The following SNAP91 variants were observed in gnomAD, a reference collection of about 807,000 sequenced individuals.
The protein encoded by SNAP91 is synaptosome associated protein 91.
Under a neutral mutation model 100.3 loss-of-function variants are expected in SNAP91, and 27 were observed. The observed-to-expected ratio is 0.27, with a 90% CI of 0.20 to 0.37. SNAP91 has a LOEUF of 0.37. Among genes scored for constraint, SNAP91 ranks in the 10% least tolerant of loss-of-function variants. The pLI is 1.00. For synonymous variants in SNAP91, 404 were observed against 398.6 expected (o/e 1.01, Z -0.16); for missense variants, 986 against 1,123.7 (o/e 0.88, Z 1.75).
chr6:83,687,471 G>T (rs953197877), intron 2 of SNAP91, among the ~76,000 whole-genome samples: 1 of 152,036 alleles, frequency 6.6e-6, no homozygotes, highest in African/African-American at 2.4e-5. Flanking sequence ...TTAATAATAT[G>T]ATTTTCTTTT....
rs554382229 is a variant in SNAP91 at position 83,569,679 on chromosome 6, T to A, written c.2442+5331A>T. On this transcript the variant is annotated intron_variant, in intron 26 of 29. Transcript: ENST00000369694. ...AAGTCTCATCTTGAATTCCCATGTG[T>A]TGTGGGAGGGCCTGGTGGGAGGTAA... Among the ~76,000 whole-genome samples, 4 of 152,288 alleles carry A rather than the reference T, an allele frequency of 2.6e-5. No individual in the cohort carries two copies. In the East Asian group the frequency reaches 7.7e-4, roughly 29 times the overall value.
chr6:83,556,171 G>A lies in SNAP91; in HGVS notation c.2706C>T (p.Asn902=), dbSNP rs1777577729. 1.9e-6 allele frequency: 3 copies of A among 1,566,356 alleles called. No individual in the cohort carries two copies. The highest frequency in any genetic ancestry group is 2.6e-6 in the Non-Finnish European group (3 of 1,154,618). The stretch of plus-strand genomic sequence containing the variant: ...AAATTGTTTACAAGAAATCCTTGAT[G>A]TTAAGATCCGCTAATGGGTCCTTTG... The part of the protein sequence containing the change: ...PPAKDPLADL[N]IKDFL Residue 902 remains asparagine, a synonymous_variant, in exon 29 of 30, where the codon AAC becomes AAT. Coordinates refer to ENST00000369694, the MANE Select transcript of SNAP91 (RefSeq NM_001242792.2).
At chr6:83,556,289 G>T in intron 28 of SNAP91, 44 bp from the exon 29 acceptor site, 1 of 689,070 alleles carries the variant, frequency 1.5e-6, no homozygotes, top group South Asian at 1.8e-5. Flanking sequence ...ATAGAAAGCA[G>T]AGAGAGAATG....
At chr6:83,614,430 T>C (rs748656001) in intron 11 of SNAP91, among the ~76,000 whole-genome samples, 2 of 152,176 alleles carry the variant, frequency 1.3e-5, no homozygotes, top group African/African-American at 4.8e-5. Context: ...TTTATGTATA[T>C]ACTTGGTTTG....
At chr6:83,675,663 C>T (rs1032302744) in intron 2 of SNAP91, among the ~76,000 whole-genome samples, 3 of 151,952 alleles carry the variant, frequency 2.0e-5, no homozygotes, top group Admixed American at 2.0e-4. Context: ...GTTCAATTAC[C>T]TTATATTATT....
intron 7 of SNAP91, among the ~76,000 whole-genome samples, chr6:83,648,745 C>G (rs1267439355): frequency 7.0e-6 from 1 of 142,818 alleles, no homozygotes; most frequent in African/African-American, 2.4e-5. Context: ...TGCTTATTAG[C>G]CATTTTATAT....
At chr6:83,627,798 T>C (rs1208148607) in intron 8 of SNAP91, among the ~76,000 whole-genome samples, 1 of 151,976 alleles carries the variant, frequency 6.6e-6, no homozygotes, top group Non-Finnish European at 1.5e-5. Flanking sequence ...GAAGAACCAA[T>C]TTTTATTTCA....
chr6:83,686,986 G>C (rs2099069401), intron 2 of SNAP91: 1 of 152,168 alleles, frequency 6.6e-6, no homozygotes, highest in African/African-American at 2.4e-5. Context: ...ATATAAAAAT[G>C]TAAGTCCTTC....
intron 22 of SNAP91, among the ~76,000 whole-genome samples, chr6:83,589,413 G>A (rs1166384006): frequency 6.6e-6 from 1 of 152,158 alleles, no homozygotes; most frequent in African/African-American, 2.4e-5. Flanking sequence ...ACTTGAACAA[G>A]GGTGAGAAAT....
chr6:83,564,433 G>A (rs1214376746), intron 26 of SNAP91, among the ~76,000 whole-genome samples: 1 of 151,322 alleles, frequency 6.6e-6, no homozygotes, highest in Non-Finnish European at 1.5e-5. Context: ...TAGTTCCCTG[G>A]CTCAAGTGAT....
intron 2 of SNAP91, among the ~76,000 whole-genome samples, chr6:83,692,699 C>G (rs1329047661): frequency 4.6e-5 from 7 of 152,112 alleles, no homozygotes; most frequent in Admixed American, 2.6e-4. Context: ...CTTCCACCAC[C>G]CCCAAGGTCC....
chr6:83,599,067 T>C (rs190627684), intron 16 of SNAP91, among the ~76,000 whole-genome samples: 193 of 152,326 alleles, frequency 1.3e-3, no homozygotes, highest in African/African-American at 4.4e-3. Context: ...TGCATGATTC[T>C]CTGCAGTACT....
intron 11 of SNAP91, chr6:83,611,350 T>C: frequency 2.8e-6 from 1 of 356,668 alleles, no homozygotes; most frequent in South Asian, 2.0e-5. Context: ...TAGGAAGGCG[T>C]GAATTTTAAG....
intron 16 of SNAP91, among the ~76,000 whole-genome samples, chr6:83,596,868 G>A (rs1419125288): frequency 6.6e-6 from 1 of 152,026 alleles, no homozygotes; most frequent in African/African-American, 2.4e-5. Flanking sequence ...CCACTGTACT[G>A]CATTTTTTAT....
rs774049654 is a variant in SNAP91 at position 83,582,292 on chromosome 6, T to C, written c.2079A>G (p.Leu693=). 35 of 1,613,646 alleles carry C rather than the reference T, an allele frequency of 2.2e-5. No homozygotes were observed. The South Asian group carries it at 3.4e-4, about 16-fold the overall frequency. The change falls in exon 23 of 30, where the codon CTA becomes CTG. Residue 693 remains leucine, a synonymous_variant. Transcript: ENST00000369694. ...SPVTPAQNNL[L]QPNFEAAFGT... is the part of the protein sequence containing the mutation. ...CAAAAGCTGCCTCAAAATTGGGCTG[T>C]AGCAGGTTATTCTGAGCTGGAGTCA...
At chr6:83,574,112 A>G (rs1048138797) in intron 26 of SNAP91, among the ~76,000 whole-genome samples, 6 of 152,206 alleles carry the variant, frequency 3.9e-5, no homozygotes, top group Non-Finnish European at 7.3e-5. Flanking sequence ...ATTAAGAATT[A>G]TTTCAGGTAA....
chr6:83,660,877 C>T (rs1456928629), intron 5 of SNAP91, among the ~76,000 whole-genome samples: 1 of 151,582 alleles, frequency 6.6e-6, no homozygotes, highest in Non-Finnish European at 1.5e-5. Context: ...CTCCTAGGAT[C>T]AAGCAATCCT....
At chr6:83,668,960 C>T (rs1469928268) in intron 2 of SNAP91, among the ~76,000 whole-genome samples, 1 of 151,998 alleles carries the variant, frequency 6.6e-6, no homozygotes, top group East Asian at 1.9e-4. Flanking sequence ...GACATCATAG[C>T]TTAGCTTAGC....
chr6:83,576,779 CCTT>C lies in SNAP91; in HGVS notation c.2300-729_2300-727del, dbSNP rs548807838. ...CAACGATGTGCTGAGTCCCATGTGT[CCTT>C]CTAGTGGCTCTGTGAATCCCTTGAC... On this transcript the variant is annotated intron_variant, in intron 24 of 29. Coordinates refer to ENST00000369694, the MANE Select transcript of SNAP91 (RefSeq NM_001242792.2). Among the ~76,000 whole-genome samples, 4 of 152,322 alleles carry C rather than the reference CCTT, an allele frequency of 2.6e-5. No homozygotes were observed. The South Asian group carries it at 8.3e-4, about 32-fold the overall frequency.
Sources: allele counts gnomAD v4.1 joint callset (sites outside exome capture counted in the v4.1 genomes callset), GRCh38; gene constraint gnomAD v4.1.1; transcripts MANE v1.5; gene names NCBI Gene and HGNC (gene_info 2026-07-23, HGNC 2026-07-21).